Variants in STPG2 observed in about 807,000 individuals in gnomAD.
STPG2 encodes sperm tail PG-rich repeat containing 2.
A neutral mutation model predicts 54.2 loss-of-function variants in STPG2; 56 were observed. That is an observed-to-expected ratio of 1.03 (90% CI 0.83 to 1.29). The LOEUF (loss-of-function observed/expected upper bound fraction) is 1.29. Among genes scored for constraint, STPG2 ranks in the 50% most tolerant of loss-of-function variants. The pLI is 0.00. For synonymous variants in STPG2, 200 were observed against 181.8 expected, an observed-to-expected ratio of 1.10 and a Z score of -0.81; for missense variants, 596 against 544.9, an observed-to-expected ratio of 1.09 and a Z score of -0.93.
At chr4:97,452,268 C>T (rs1729396565) in intron 4 of STPG2, among the ~76,000 whole-genome samples, 1 of 152,082 alleles carries the variant, frequency 6.6e-6, no homozygotes, top group African/African-American at 2.4e-5. Flanking sequence ...TTCCTGGCTT[C>T]TCCCGGCTCT....
chr4:97,775,611 T>A (rs1386098500), intron 9 of STPG2, among the ~76,000 whole-genome samples: 1 of 152,168 alleles, frequency 6.6e-6, no homozygotes, highest in African/African-American at 2.4e-5. Context: ...GTGTCTAAAT[T>A]GTTAGTTGGA....
intron 5 of STPG2, among the ~76,000 whole-genome samples, chr4:98,005,054 TAAA>T (rs993094721): frequency 6.6e-6 from 1 of 150,752 alleles, no homozygotes; most frequent in Admixed American, 6.6e-5. Context: ...GGATAATAGC[TAAA>T]AAAAAATTAT....
intron 4 of STPG2, among the ~76,000 whole-genome samples, chr4:97,457,938 G>A (rs1253690395): frequency 6.6e-6 from 1 of 152,158 alleles, no homozygotes; most frequent in African/African-American, 2.4e-5. Context: ...TCATTGCACT[G>A]TTAGGTGAAA....
chr4:97,984,072 T>TA (rs11419575), intron 5 of STPG2, among the ~76,000 whole-genome samples: 127,399 of 152,084 alleles, frequency 0.84, 53,529 homozygotes, highest in Middle Eastern at 0.94. Context: ...ACTTGTGATA[T>TA]TCTAAGATAG....
At chr4:98,128,875 A>C (rs1739906578) in intron 2 of STPG2, among the ~76,000 whole-genome samples, 1 of 152,022 alleles carries the variant, frequency 6.6e-6, no homozygotes, top group South Asian at 2.1e-4. Context: ...CTGGGACTAC[A>C]GGCATGCACC....
intron 5 of STPG2, among the ~76,000 whole-genome samples, chr4:98,068,632 A>G (rs1737903841): frequency 6.6e-6 from 1 of 152,130 alleles, no homozygotes; most frequent in Admixed American, 6.6e-5. Context: ...AGACTCAAAC[A>G]ATGTGTTCCA....
intron 4 of STPG2, among the ~76,000 whole-genome samples, chr4:97,496,645 T>G (rs1311506739): frequency 6.6e-6 from 1 of 151,710 alleles, no homozygotes; most frequent in Non-Finnish European, 1.5e-5. Context: ...ACCCCCTATG[T>G]TTGTGTAGGC....
At chr4:97,813,874 G>A (rs1220448991) in intron 9 of STPG2, among the ~76,000 whole-genome samples, 1 of 151,746 alleles carries the variant, frequency 6.6e-6, no homozygotes, top group Non-Finnish European at 1.5e-5. Context: ...TGAGAATCCT[G>A]CTAATAAGCA....
intron 4 of STPG2, among the ~76,000 whole-genome samples, chr4:97,534,632 A>C (rs930044199): frequency 6.6e-6 from 1 of 152,148 alleles, no homozygotes; most frequent in African/African-American, 2.4e-5. Context: ...ATTTTATTGA[A>C]GTATAAGTTA....
At chr4:97,770,189 C>T (rs763064075) in intron 9 of STPG2, among the ~76,000 whole-genome samples, 6 of 151,944 alleles carry the variant, frequency 3.9e-5, no homozygotes, top group Middle Eastern at 3.4e-3. Flanking sequence ...CCAGCCTAGG[C>T]GACAGAGTGA....
intron 9 of STPG2, among the ~76,000 whole-genome samples, chr4:97,805,295 GC>G (rs898289578): frequency 6.6e-6 from 1 of 152,068 alleles, no homozygotes; most frequent in Non-Finnish European, 1.5e-5. Context: ...CAACCTCCCT[GC>G]CTTCCAGGTT....
At chr4:97,845,480 A>C (rs1322448089) in intron 8 of STPG2, among the ~76,000 whole-genome samples, 1 of 152,136 alleles carries the variant, frequency 6.6e-6, no homozygotes, top group African/African-American at 2.4e-5. Context: ...TTTCTCCTTA[A>C]AGTTATTTAC....
chr4:97,737,476 G>T (rs900064525), intron 9 of STPG2, among the ~76,000 whole-genome samples: 1 of 152,130 alleles, frequency 6.6e-6, no homozygotes, highest in African/African-American at 2.4e-5. Context: ...AAATTTAGAC[G>T]AATGTATAAC....
At chr4:97,936,314 T>A (rs1578708550) in intron 8 of STPG2, among the ~76,000 whole-genome samples, 1 of 152,044 alleles carries the variant, frequency 6.6e-6, no homozygotes, top group African/African-American at 2.4e-5. Flanking sequence ...ACACTGATGA[T>A]TTGGGACACT....
At chr4:98,079,699 A>G (rs1380538972) in intron 5 of STPG2, among the ~76,000 whole-genome samples, 1 of 152,190 alleles carries the variant, frequency 6.6e-6, no homozygotes, top group African/African-American at 2.4e-5. Context: ...CCCACAAGAT[A>G]TCAACTTCAT....
chr4:97,934,658 C>T (rs1347633187), intron 8 of STPG2, among the ~76,000 whole-genome samples: 1 of 152,134 alleles, frequency 6.6e-6, no homozygotes, highest in Non-Finnish European at 1.5e-5. Flanking sequence ...TGATGAATTA[C>T]ACTTAATGTT....
chr4:97,692,510 T>TA (rs566486398), intron 10 of STPG2, among the ~76,000 whole-genome samples: 6 of 152,026 alleles, frequency 3.9e-5, no homozygotes, highest in East Asian at 1.9e-4. Context: ...AAAATAATTT[T>TA]AAAAAATGTA....
chr4:97,794,896 T>C (rs949332116), intron 9 of STPG2, among the ~76,000 whole-genome samples: 2 of 152,136 alleles, frequency 1.3e-5, no homozygotes, highest in Non-Finnish European at 2.9e-5. Context: ...TACATGGAAA[T>C]GATTAAACTT....
chr4:97,803,949 A>G (rs774948125), intron 9 of STPG2, among the ~76,000 whole-genome samples: 1 of 152,152 alleles, frequency 6.6e-6, no homozygotes, highest in Non-Finnish European at 1.5e-5. Flanking sequence ...CCTAAACAAG[A>G]CATTTAAAAA....
Sources: allele counts gnomAD v4.1 joint callset (sites outside exome capture counted in the v4.1 genomes callset), GRCh38; gene constraint gnomAD v4.1.1; transcripts MANE v1.5; gene names NCBI Gene and HGNC (gene_info 2026-07-23, HGNC 2026-07-21).